RP9: variants seen among roughly 807,000 people sequenced by gnomAD.
The protein encoded by RP9 is RP9 pre-mRNA splicing factor.
A neutral mutation model predicts 32.6 loss-of-function variants in RP9; 23 were observed. The ratio of observed to expected loss-of-function variants is 0.71; its 90% CI spans 0.51 to 1.00. The LOEUF (loss-of-function observed/expected upper bound fraction) is 1.00. Among genes scored for constraint, RP9 ranks in the 50% least tolerant of loss-of-function variants. RP9 has a pLI of 0.00. For missense variants in RP9, 245 were observed against 285.3 expected, an observed-to-expected ratio of 0.86 and a Z score of 1.02; for synonymous variants, 94 against 103.6, an observed-to-expected ratio of 0.91 and a Z score of 0.56.
chr7:33,095,823 A>G (rs1011825171), intron 5 of RP9, among the ~76,000 whole-genome samples: 1 of 151,762 alleles, frequency 6.6e-6, no homozygotes. Context: ...CTCTCTAATC[A>G]TGTCTAATTT....
chr7:33,103,611 C>T (rs764353926), intron 1 of RP9, among the ~76,000 whole-genome samples: 72 of 152,016 alleles, frequency 4.7e-4, no homozygotes, highest in Admixed American at 1.6e-3. Flanking sequence ...GCCAGGAGTT[C>T]GCGACCAGCC....
At chr7:33,097,205 C>T in intron 4 of RP9, 66 bp downstream of exon 4, 1 of 1,260,116 alleles carries the variant, frequency 7.9e-7, no homozygotes, top group Middle Eastern at 1.8e-4. Flanking sequence ...TCACTGGTGA[C>T]TTTCTGCTTC....
In RP9 at chr7:33,095,033, T is replaced by G. The variant is rs939296591; in HGVS notation, c.*201A>C. 4.0e-5 allele frequency: 24 copies of G among 599,162 alleles called. No homozygotes were observed. In the East Asian group the frequency reaches 6.8e-4, roughly 17 times the overall value. The allele number at this position is 599,162 out of a possible 1,614,324, so 37.1% of individuals were successfully genotyped here. On this transcript the variant is annotated 3_prime_UTR_variant, in exon 6 of 6. Coordinates refer to ENST00000297157, the MANE Select transcript of RP9 (RefSeq NM_203288.2). ...AGAAACTTTCCTGCCTAAAATCAGC[T>G]GCTGTCCAGAGCTAGCACCTGGAAG...
In RP9 at chr7:33,099,518, C is replaced by CT. The variant is rs1788395836; in HGVS notation, c.184-83dup. 8.4e-6 allele frequency: 13 copies of CT among 1,551,836 alleles called. No homozygotes were observed. The South Asian group carries it at 1.1e-4, about 13-fold the overall frequency. On this transcript the variant is annotated intron_variant, in intron 2 of 5. Transcript: ENST00000297157. Reference sequence around the variant, plus strand: ...TCCCCTTGGAGCCACCCTTGCCTGGCTTTTTCCTGGGCTTCCGGTGCCAAC... The same window carrying CT: ...TCCCCTTGGAGCCACCCTTGCCTGGCTTTTTTCCTGGGCTTCCGGTGCCAAC...
intron 1 of RP9, among the ~76,000 whole-genome samples, chr7:33,108,643 G>A (rs1387340975): frequency 6.6e-6 from 1 of 152,158 alleles, no homozygotes; most frequent in Non-Finnish European, 1.5e-5. Context: ...CGCCTCATCG[G>A]GATAACAAAG....
At chr7:33,100,823 A>G (rs569241343) in intron 1 of RP9, 15 of 625,132 alleles carry the variant, frequency 2.4e-5, no homozygotes, top group Non-Finnish European at 4.2e-5. Context: ...CAGAATGCTG[A>G]GCACGCAAGT....
chr7:33,100,984 A>C, intron 1 of RP9: 1 of 335,688 alleles, frequency 3.0e-6, no homozygotes, highest in Non-Finnish European at 5.9e-6. Flanking sequence ...CTGTCCCTTG[A>C]CCCTTTAAAC....
intron 5 of RP9, among the ~76,000 whole-genome samples, chr7:33,095,838 C>T (rs984561756): frequency 2.7e-5 from 4 of 147,738 alleles, no homozygotes; most frequent in African/African-American, 5.0e-5. Flanking sequence ...TAATTTTTTT[C>T]TTTTTTTTTT....
chr7:33,109,250 C>T lies in RP9; in HGVS notation c.123G>A (p.Gln41=). The change falls in exon 1 of 6, where the codon CAG becomes CAA. Residue 41 remains glutamine (Q), a synonymous_variant. Transcript: ENST00000297157. The surrounding 1 kb of genome is among the most constrained non-coding windows in gnomAD (Gnocchi z 4.9). ...EQKRRRHDAQ[Q]LQQLKHLESF... The stretch of plus-strand genomic sequence containing the variant: ...ACTCCAGGTGCTTGAGCTGCTGCAG[C>T]TGCTGCGCGTCGTGTCGCCGCCGCT... 1 of 1,496,428 alleles carries T rather than the reference C, an allele frequency of 6.7e-7. No homozygotes were observed. The highest frequency in any genetic ancestry group is 8.9e-7 in the Non-Finnish European group (1 of 1,125,880). The allele number at this position is 1,496,428 out of a possible 1,614,324, so 92.7% of individuals were successfully genotyped here. A position where few individuals can be genotyped will look rare whatever the true frequency, so the allele number is the denominator to read the frequency against.
intron 1 of RP9, among the ~76,000 whole-genome samples, chr7:33,108,588 T>C (rs1788534472): frequency 6.6e-6 from 1 of 152,232 alleles, no homozygotes; most frequent in Non-Finnish European, 1.5e-5. Flanking sequence ...TAAATGTATC[T>C]GTATCAGGAA....
At chr7:33,098,430 G>A (rs1788374335) in intron 3 of RP9, among the ~76,000 whole-genome samples, 1 of 152,154 alleles carries the variant, frequency 6.6e-6, no homozygotes, top group Non-Finnish European at 1.5e-5. Flanking sequence ...AGGTAAAACA[G>A]AGGGTCTCTG....
In RP9 at chr7:33,106,331, G is replaced by A. The variant is rs1354590544; in HGVS notation, c.152+2890C>T. Reference sequence around the variant, plus strand: ...CCACAGGCATGTACCACCATGCCTGGTTAATTTCTTTTTTCCTTCTTTCTT... The same window carrying A: ...CCACAGGCATGTACCACCATGCCTGATTAATTTCTTTTTTCCTTCTTTCTT... On this transcript the variant is annotated intron_variant, in intron 1 of 5. Transcript: ENST00000297157. 2.0e-5 allele frequency among the ~76,000 whole-genome samples: 3 copies of A among 152,024 alleles called. No individual in the cohort carries two copies. In the East Asian group the frequency reaches 5.8e-4, roughly 30 times the overall value.
chr7:33,107,084 T>A (rs1327499209), intron 1 of RP9, among the ~76,000 whole-genome samples: 2 of 152,204 alleles, frequency 1.3e-5, no homozygotes, highest in Non-Finnish European at 2.9e-5. Context: ...CTATTGCTAT[T>A]TTTTGGTAGC....
At chr7:33,102,560 T>C (rs896419259) in intron 1 of RP9, among the ~76,000 whole-genome samples, 2 of 152,262 alleles carry the variant, frequency 1.3e-5, no homozygotes, top group Non-Finnish European at 1.5e-5. Context: ...TCATTCAGAC[T>C]GTACTAACTT....
chr7:33,108,476 C>A (rs942384379), intron 1 of RP9, among the ~76,000 whole-genome samples: 1 of 152,212 alleles, frequency 6.6e-6, no homozygotes, highest in Non-Finnish European at 1.5e-5. Flanking sequence ...CCCTCAACTG[C>A]CTAAAATAAA....
chr7:33,107,810 CAA>C (rs1261690892), intron 1 of RP9, among the ~76,000 whole-genome samples: 6 of 152,316 alleles, frequency 3.9e-5, no homozygotes, highest in African/African-American at 1.4e-4. Context: ...GAACTGTTTT[CAA>C]AGAGGGCACC....
chr7:33,105,357 C>G (rs1174393919), intron 1 of RP9, among the ~76,000 whole-genome samples: 3 of 152,174 alleles, frequency 2.0e-5, no homozygotes, highest in African/African-American at 7.2e-5. Flanking sequence ...CCTCCTGTCT[C>G]CTGCCCTTCT....
In RP9 at chr7:33,097,258, G is replaced by C. The variant is rs1788350288; in HGVS notation, c.405+13C>G. 5 of 1,574,340 alleles carry C rather than the reference G, an allele frequency of 3.2e-6. No individual in the cohort carries two copies. Among genetic ancestry groups the C allele is most frequent in the Non-Finnish European group, 4.4e-6 (5 of 1,144,006 alleles). ...CTGATAAATGTAAATTGACACTCTT[G>C]GACTTTACTTACCACTCTGAACTGC... On this transcript the variant is annotated intron_variant, in intron 4 of 5. Transcript: ENST00000297157.
intron 1 of RP9, among the ~76,000 whole-genome samples, chr7:33,105,934 T>C (rs1169955360): frequency 6.6e-6 from 1 of 152,210 alleles, no homozygotes; most frequent in Non-Finnish European, 1.5e-5. Flanking sequence ...TTTTTTGTTA[T>C]AGGAGTATCT....
Sources: allele counts gnomAD v4.1 joint callset (sites outside exome capture counted in the v4.1 genomes callset), GRCh38; gene constraint gnomAD v4.1.1; non-coding constraint Gnocchi (gnomAD v3.1); transcripts MANE v1.5; gene names NCBI Gene and HGNC (gene_info 2026-07-23, HGNC 2026-07-21).